DRD3: variants seen among roughly 807,000 people sequenced by gnomAD.
DRD3 encodes D(3) dopamine receptor.
DRD3 carries 19 observed loss-of-function variants against 36.3 expected under a neutral mutation model. The ratio of observed to expected loss-of-function variants is 0.52; its 90% confidence interval spans 0.36 to 0.77. The LOEUF is 0.77. Ranked by LOEUF, DRD3 falls within the 30% of genes least tolerant of loss-of-function variation. The probability of loss-of-function intolerance (pLI) is 0.00; values close to 1 mark genes in which losing one functional copy is unlikely to be tolerated. For missense variants in DRD3, 465 were observed against 505.3 expected (o/e 0.92, Z 0.77); for synonymous variants, 195 against 203.7 (o/e 0.96, Z 0.36).
At chr3:114,172,509 T>C (rs530761048) in intron 1 of DRD3, among the ~76,000 whole-genome samples, 377 of 152,140 alleles carry the variant, frequency 2.5e-3, no homozygotes, top group Non-Finnish European at 4.7e-3. Context: ...ATAGAAGTCA[T>C]AGGAGGGAGT....
intron 1 of DRD3, among the ~76,000 whole-genome samples, chr3:114,191,074 T>C (rs2078008669): frequency 1.3e-5 from 2 of 152,222 alleles, no homozygotes; most frequent in Non-Finnish European, 2.9e-5. Flanking sequence ...CCTTTGTTCA[T>C]TTGTTCAACA....
At chr3:114,181,280 T>C (rs1204637030), upstream of DRD3, among the ~76,000 whole-genome samples, 1 of 152,202 alleles carries the variant, frequency 6.6e-6, no homozygotes, top group African/African-American at 2.4e-5. Context: ...CAGTCAACTC[T>C]GTTCTGACTT....
rs1415110006 is a variant in DRD3, at chr3:114,128,019, ACT to A, written c.*695_*696del. On this transcript the variant is annotated 3_prime_UTR_variant, in exon 7 of 7. Transcript: ENST00000383673. ...ATCTTGAATGATTCTGGAAGTTGAG[ACT>A]CTGAGATTTCCTCTAGAGAGTAAAG... 6.6e-6 allele frequency among the ~76,000 whole-genome samples: 1 copy of A among 152,148 alleles called. No homozygotes were observed. Among genetic ancestry groups the A allele is most frequent in the African/African-American group, 2.4e-5 (1 of 41,430 alleles).
intron 1 of DRD3, among the ~76,000 whole-genome samples, chr3:114,192,435 G>C (rs1487507679): frequency 6.6e-6 from 1 of 152,146 alleles, no homozygotes; most frequent in Non-Finnish European, 1.5e-5. Flanking sequence ...GCTAGGGTCT[G>C]TATAGTCAAT....
At chr3:114,192,556 CTCTG>C (rs377725449) in intron 1 of DRD3, among the ~76,000 whole-genome samples, 38 of 152,262 alleles carry the variant, frequency 2.5e-4, no homozygotes, top group Non-Finnish European at 4.4e-4. Context: ...CCTTATTGTT[CTCTG>C]TCTTTTTCTT....
intron 1 of DRD3, among the ~76,000 whole-genome samples, chr3:114,173,519 A>G (rs1435591030): frequency 6.6e-6 from 1 of 152,150 alleles, no homozygotes; most frequent in Non-Finnish European, 1.5e-5. Flanking sequence ...TGTGCCATAA[A>G]TGTGTAGGGT....
At chr3:114,176,111 A>G (rs1430822987) in intron 1 of DRD3, 1 of 152,202 alleles carries the variant, frequency 6.6e-6, no homozygotes, top group East Asian at 1.9e-4. Context: ...TCAGTGCTGA[A>G]TAACAGTCTT....
intron 4 of DRD3, among the ~76,000 whole-genome samples, chr3:114,145,926 T>A (rs75075297): frequency 0.035 from 5,404 of 152,278 alleles, 309 homozygotes; most frequent in African/African-American, 0.12. Context: ...TCAAGTTTAC[T>A]TATTTTAATT....
At chr3:114,144,018 C>T (rs964591709) in intron 4 of DRD3, among the ~76,000 whole-genome samples, 2 of 152,224 alleles carry the variant, frequency 1.3e-5, no homozygotes, top group Non-Finnish European at 2.9e-5. Flanking sequence ...GGCACCAGCA[C>T]ACCATGCTCT....
chr3:114,190,410 TAA>T (rs2077998058), intron 1 of DRD3, among the ~76,000 whole-genome samples: 6 of 58,178 alleles, frequency 1.0e-4, no homozygotes, highest in African/African-American at 3.1e-4. Flanking sequence ...GGAAAAAGGA[TAA>T]TATATATATA....
At chr3:114,156,877 TTC>T (rs149194341) in intron 3 of DRD3, among the ~76,000 whole-genome samples, 1,822 of 9,018 alleles carry the variant, frequency 0.2, 97 homozygotes, top group African/African-American at 0.27. Flanking sequence ...TTCTTTTTCT[TTC>T]TCTTTCTTTT....
At chr3:114,174,835 G>T (rs2077882239) in intron 1 of DRD3, among the ~76,000 whole-genome samples, 1 of 148,866 alleles carries the variant, frequency 6.7e-6, no homozygotes, top group Admixed American at 6.7e-5. Context: ...TGTTAGATAT[G>T]CTAACAGATA....
At chr3:114,162,451 C>A (rs1411160864) in intron 2 of DRD3, among the ~76,000 whole-genome samples, 1 of 152,270 alleles carries the variant, frequency 6.6e-6, no homozygotes, top group East Asian at 1.9e-4. Flanking sequence ...GCTGCTGCAC[C>A]CCCAGCTCCC....
chr3:114,139,754 G>A (rs533825941), intron 4 of DRD3, 58 bp from the exon 5 acceptor site: 1 of 1,540,214 alleles, frequency 6.5e-7, no homozygotes, highest in African/African-American at 1.4e-5. Context: ...TCAGTAAGGA[G>A]CATAAAACAC....
intron 1 of DRD3, among the ~76,000 whole-genome samples, chr3:114,189,880 T>C (rs2077994797): frequency 6.6e-6 from 1 of 152,094 alleles, no homozygotes; most frequent in South Asian, 2.1e-4. Context: ...CTTCAAAGAA[T>C]TGTTGAAAGG....
intron 3 of DRD3, among the ~76,000 whole-genome samples, chr3:114,147,978 GA>G (rs1214689031): frequency 6.6e-6 from 1 of 152,180 alleles, no homozygotes; most frequent in Admixed American, 6.5e-5. Flanking sequence ...GAAGTTCGTA[GA>G]GAAATAATCA....
chr3:114,158,847 G>A (rs1372179003), intron 3 of DRD3, among the ~76,000 whole-genome samples: 1 of 152,130 alleles, frequency 6.6e-6, no homozygotes, highest in East Asian at 1.9e-4. Flanking sequence ...GAGAAGAAGC[G>A]GAATGGAAAG....
At chr3:114,196,422 C>A (rs903661478) in intron 1 of DRD3, among the ~76,000 whole-genome samples, 1 of 152,128 alleles carries the variant, frequency 6.6e-6, no homozygotes, top group Non-Finnish European at 1.5e-5. Context: ...TCAAACAATC[C>A]TCCTGCCTCA....
intron 2 of DRD3, among the ~76,000 whole-genome samples, chr3:114,167,965 T>C (rs370539439): frequency 6.5e-4 from 99 of 152,270 alleles, no homozygotes; most frequent in African/African-American, 2.3e-3. Context: ...GGTCAGTATA[T>C]GGAAAAAGGC....
Sources: allele counts gnomAD v4.1 joint callset (sites outside exome capture counted in the v4.1 genomes callset), GRCh38; gene constraint gnomAD v4.1.1; transcripts MANE v1.5; gene names NCBI Gene and HGNC (gene_info 2026-07-23, HGNC 2026-07-21).